MALRD1: variants seen among roughly 807,000 people sequenced by gnomAD.
MALRD1 encodes the protein MAM and LDL-receptor class A domain-containing protein 1.
MALRD1 carries 247 observed loss-of-function variants against 242.1 expected under a neutral mutation model. That is an observed-to-expected ratio of 1.02 (90% CI 0.92 to 1.13). The LOEUF (loss-of-function observed/expected upper bound fraction) is 1.13, where lower values mean the gene tolerates loss of function less well. MALRD1 is among the 50% of genes most tolerant of loss of function. MALRD1 has a pLI of 0.00. For synonymous variants in MALRD1, 995 were observed against 866.6 expected (o/e 1.15, Z -2.60); for missense variants, 2,989 against 2,533.1 (o/e 1.18, Z -3.86).
chr10:19,303,744 T>A (rs1473753050), intron 21 of MALRD1, among the ~76,000 whole-genome samples: 1 of 151,756 alleles, frequency 6.6e-6, no homozygotes, highest in African/African-American at 2.4e-5. Flanking sequence ...ATGTCTTTTT[T>A]AAAATAATCT....
intron 33 of MALRD1, among the ~76,000 whole-genome samples, chr10:19,594,908 A>C (rs1838003156): frequency 6.6e-6 from 1 of 152,154 alleles, no homozygotes; most frequent in South Asian, 2.1e-4. Flanking sequence ...TGATGGGTGC[A>C]CAAAAATCTC....
At chr10:19,177,500 A>G (rs888990153) in intron 14 of MALRD1, among the ~76,000 whole-genome samples, 2 of 152,148 alleles carry the variant, frequency 1.3e-5, no homozygotes, top group African/African-American at 4.8e-5. Flanking sequence ...TTCACCCATC[A>G]TAAAGGTCAC....
intron 36 of MALRD1, among the ~76,000 whole-genome samples, chr10:19,680,726 T>C (rs903787938): frequency 6.6e-6 from 1 of 152,188 alleles, no homozygotes; most frequent in African/African-American, 2.4e-5. Flanking sequence ...AGTTGCTTCA[T>C]AGTGTCATTG....
intron 26 of MALRD1, among the ~76,000 whole-genome samples, chr10:19,383,280 A>ATTGATAAGTGAGAACATACGGTATTGGCT (rs1483464664): frequency 1.7e-4 from 26 of 152,038 alleles, no homozygotes; most frequent in Non-Finnish European, 2.8e-4. Flanking sequence ...TTTCACTCCC[A>ATTGATAAGTGAGAACATACGGTATTGGCT]TTGATAAGTG....
chr10:19,549,174 T>C (rs963160561), intron 32 of MALRD1, among the ~76,000 whole-genome samples: 2 of 152,098 alleles, frequency 1.3e-5, no homozygotes, highest in East Asian at 3.9e-4. Context: ...GGAAGAAAAG[T>C]TGGAAGCTAG....
chr10:19,142,171 C>CAAAAAAAAAAAAAAAAAAAA (rs529000033), intron 10 of MALRD1, among the ~76,000 whole-genome samples: 9 of 26,276 alleles, frequency 3.4e-4, no homozygotes, highest in African/African-American at 1.5e-3. Flanking sequence ...GACTCTAACT[C>CAAAAAAAAAAAAAAAAAAAA]AAAAAAAAAA....
At chr10:19,469,054 G>T (rs1836366587) in intron 29 of MALRD1, among the ~76,000 whole-genome samples, 1 of 151,954 alleles carries the variant, frequency 6.6e-6, no homozygotes, top group South Asian at 2.1e-4. Context: ...TTCTGCCTGG[G>T]CCCCACAGCA....
At chr10:19,363,410 A>T (rs2130714207) in intron 26 of MALRD1, among the ~76,000 whole-genome samples, 1 of 152,242 alleles carries the variant, frequency 6.6e-6, no homozygotes, top group East Asian at 1.9e-4. Flanking sequence ...AAAGAAAATG[A>T]GTATTACCCA....
At chr10:19,713,968 G>A (rs1834261400) in intron 38 of MALRD1, among the ~76,000 whole-genome samples, 2 of 152,178 alleles carry the variant, frequency 1.3e-5, no homozygotes, top group Admixed American at 1.3e-4. Context: ...AAACCTCTAG[G>A]GGGAGCACGC....
At chr10:19,436,319 A>G (rs1437072213) in intron 28 of MALRD1, among the ~76,000 whole-genome samples, 2 of 152,166 alleles carry the variant, frequency 1.3e-5, no homozygotes, top group African/African-American at 2.4e-5. Flanking sequence ...TGTATATGCA[A>G]TCATCTGTAT....
intron 36 of MALRD1, among the ~76,000 whole-genome samples, chr10:19,660,627 G>C (rs1271011983): frequency 6.6e-6 from 1 of 152,118 alleles, no homozygotes; most frequent in African/African-American, 2.4e-5. Flanking sequence ...TTGCTTTTGA[G>C]AGTAAAGAGC....
intron 14 of MALRD1, among the ~76,000 whole-genome samples, chr10:19,175,672 A>G (rs1363949797): frequency 1.3e-5 from 2 of 151,904 alleles, no homozygotes; most frequent in Admixed American, 6.6e-5. Flanking sequence ...TTTTATTCAG[A>G]ACTTCAAATG....
At chr10:19,156,384 C>A (rs1372846089) in intron 12 of MALRD1, among the ~76,000 whole-genome samples, 1 of 150,866 alleles carries the variant, frequency 6.6e-6, no homozygotes, top group Admixed American at 6.6e-5. Context: ...TATCCAAATG[C>A]CTTTTACCCA....
intron 24 of MALRD1, among the ~76,000 whole-genome samples, chr10:19,332,520 T>G (rs1843422214): frequency 6.6e-6 from 1 of 152,212 alleles, no homozygotes. Context: ...TGTTGCTTCA[T>G]TTAACTGCAA....
intron 36 of MALRD1, among the ~76,000 whole-genome samples, chr10:19,657,787 G>A (rs917952458): frequency 6.6e-6 from 1 of 151,972 alleles, no homozygotes; most frequent in African/African-American, 2.4e-5. Context: ...CAAAAATAAA[G>A]GAATGAAGAA....
intron 19 of MALRD1, among the ~76,000 whole-genome samples, chr10:19,274,544 A>G (rs1840408667): frequency 6.6e-6 from 1 of 152,202 alleles, no homozygotes; most frequent in African/African-American, 2.4e-5. Flanking sequence ...TCAGCAAACC[A>G]GGAAGTGGGC....
chr10:19,623,129 GAAGACAGATAA>G (rs1589321326), intron 36 of MALRD1, among the ~76,000 whole-genome samples: 1 of 151,906 alleles, frequency 6.6e-6, no homozygotes, highest in East Asian at 1.9e-4. Context: ...AATTGCATTT[GAAGACAGATAA>G]AGTTAATTAC....
chr10:19,104,320 A>G (rs572986455), intron 5 of MALRD1, among the ~76,000 whole-genome samples: 3 of 152,302 alleles, frequency 2.0e-5, no homozygotes, highest in East Asian at 3.9e-4. Context: ...GAAATCTTGT[A>G]GCAATGTTTA....
At position 19,299,564 on chromosome 10, in the gene MALRD1, A is replaced by G. The variant is rs572897135; in HGVS notation, c.3419+16383A>G. Among the ~76,000 whole-genome samples, 58 of 150,416 alleles carry G rather than the reference A, an allele frequency of 3.9e-4. No individual in the cohort carries two copies. The South Asian group carries it at 9.7e-3, about 25-fold the overall frequency. On this transcript the variant is annotated intron_variant, in intron 21 of 39. Transcript: ENST00000454679. ...ACCTACAAATAGACTTATACACAGT[A>G]TACACAAATCAATAAATGTGATGTG...
Sources: allele counts gnomAD v4.1 joint callset (sites outside exome capture counted in the v4.1 genomes callset), GRCh38; gene constraint gnomAD v4.1.1; transcripts MANE v1.5; gene names NCBI Gene and HGNC (gene_info 2026-07-23, HGNC 2026-07-21).